The following BEND6 variants were observed in gnomAD, a reference collection of about 807,000 sequenced individuals.
BEND6 encodes BEN domain containing 6.
BEND6 carries 24 observed loss-of-function variants against 31.8 expected under a neutral mutation model. The observed-to-expected ratio is 0.75, with a 90% CI of 0.55 to 1.06. BEND6 has a LOEUF of 1.06. Ranked by LOEUF, BEND6 falls within the 50% of genes least tolerant of loss-of-function variation. The probability of loss-of-function intolerance (pLI) is 0.00; values close to 1 mark genes in which losing one functional copy is unlikely to be tolerated. For synonymous variants in BEND6, 109 were observed against 114.6 expected (o/e 0.95, Z 0.31); for missense variants, 294 against 327.4 (o/e 0.90, Z 0.79).
intron 3 of BEND6, chr6:57,008,531 T>A: frequency 3.2e-6 from 1 of 314,684 alleles, no homozygotes. Flanking sequence ...TGCCACAACT[T>A]CACTGCAGCC....
intron 1 of BEND6, among the ~76,000 whole-genome samples, chr6:56,976,430 C>G (rs1226574088): frequency 2.6e-5 from 4 of 152,116 alleles, no homozygotes; most frequent in Non-Finnish European, 5.9e-5. Flanking sequence ...CTCCTGACCT[C>G]AAGATCTGCC....
At chr6:57,006,878 A>G (rs905520101) in intron 3 of BEND6, among the ~76,000 whole-genome samples, 4 of 152,240 alleles carry the variant, frequency 2.6e-5, no homozygotes, top group African/African-American at 9.6e-5. Context: ...TTAAAAACAG[A>G]CACATTAGAC....
At chr6:57,008,607 T>G (rs1021948479) in intron 3 of BEND6, 1 of 173,666 alleles carries the variant, frequency 5.8e-6, no homozygotes, top group African/African-American at 2.4e-5. Context: ...GCAAATGATC[T>G]GAACAGATAT....
chr6:56,994,185 C>T (rs112541477), intron 3 of BEND6, among the ~76,000 whole-genome samples: 3,404 of 151,814 alleles, frequency 0.022, 118 homozygotes, highest in African/African-American at 0.076. Context: ...CTTGGCCGGG[C>T]GCAGTGGCTC....
intron 1 of BEND6, chr6:56,975,621 C>A: frequency 2.7e-6 from 1 of 369,314 alleles, no homozygotes; most frequent in South Asian, 2.7e-5. Flanking sequence ...ATCAGATAGC[C>A]CAGCAGTTTC....
At chr6:57,005,702 G>A (rs1827134210) in intron 3 of BEND6, among the ~76,000 whole-genome samples, 1 of 150,732 alleles carries the variant, frequency 6.6e-6, no homozygotes, top group Admixed American at 6.6e-5. Flanking sequence ...ACAAAGACTT[G>A]TTACAAATGG....
intron 1 of BEND6, among the ~76,000 whole-genome samples, chr6:56,965,157 T>A (rs1825424177): frequency 6.6e-6 from 1 of 152,212 alleles, no homozygotes; most frequent in South Asian, 2.1e-4. Flanking sequence ...GGAAATAACT[T>A]GATAAAATGT....
chr6:57,005,831 AT>A (rs1241294895), intron 3 of BEND6, among the ~76,000 whole-genome samples: 4 of 152,218 alleles, frequency 2.6e-5, no homozygotes, highest in Non-Finnish European at 2.9e-5. Context: ...ATATTCTAAA[AT>A]TAACCTGAAA....
At chr6:56,977,988 A>G (rs986676862) in intron 1 of BEND6, among the ~76,000 whole-genome samples, 3 of 151,574 alleles carry the variant, frequency 2.0e-5, no homozygotes, top group African/African-American at 7.3e-5. Flanking sequence ...AATTCAACCA[A>G]GTATGGTGGC....
chr6:57,018,873 T>G (rs1827652219), intron 6 of BEND6, among the ~76,000 whole-genome samples: 2 of 152,216 alleles, frequency 1.3e-5, no homozygotes, highest in Admixed American at 6.5e-5. Flanking sequence ...AGGAAATTTT[T>G]TCACAGAATC....
intron 1 of BEND6, among the ~76,000 whole-genome samples, chr6:56,968,312 C>CTTTTTTTTTTTTTTT: frequency 1.5e-5 from 1 of 65,988 alleles, no homozygotes; most frequent in Non-Finnish European, 2.5e-5. Flanking sequence ...TCTTTCTTTT[C>CTTTTTTTTTTTTTTT]TTTTTTTTTT....
chr6:56,973,096 T>C (rs1236771612), intron 1 of BEND6, among the ~76,000 whole-genome samples: 3 of 152,112 alleles, frequency 2.0e-5, no homozygotes, highest in Non-Finnish European at 4.4e-5. Context: ...CATAAAACCA[T>C]AAAGGAGACA....
intron 2 of BEND6, 26 bp from the exon 3 acceptor site, chr6:56,992,352 T>C: frequency 6.4e-7 from 1 of 1,573,000 alleles, no homozygotes; most frequent in Non-Finnish European, 8.6e-7. Flanking sequence ...TGAGGCTTCT[T>C]TTATTGTGCC....
intron 4 of BEND6, among the ~76,000 whole-genome samples, chr6:57,015,772 C>T (rs1827536890): frequency 6.7e-6 from 1 of 149,212 alleles, no homozygotes; most frequent in Non-Finnish European, 1.5e-5. Flanking sequence ...GATAGTGCCA[C>T]TGCACTCCAG....
At chr6:56,967,544 G>T (rs1317888779) in intron 1 of BEND6, among the ~76,000 whole-genome samples, 1 of 152,136 alleles carries the variant, frequency 6.6e-6, no homozygotes, top group African/African-American at 2.4e-5. Flanking sequence ...AGCCCAAACA[G>T]GTCAAACTCC....
intron 1 of BEND6, among the ~76,000 whole-genome samples, chr6:56,968,546 A>AT (rs764928275): frequency 3.3e-5 from 5 of 151,338 alleles, no homozygotes; most frequent in Non-Finnish European, 7.4e-5. Flanking sequence ...CTGGTCTTAA[A>AT]TTCCTGGGCT....
intron 5 of BEND6, among the ~76,000 whole-genome samples, chr6:57,017,863 C>G (rs1827617651): frequency 6.6e-6 from 1 of 152,108 alleles, no homozygotes. Context: ...TTCTCTGAAT[C>G]CTAGCTCTAT....
At chr6:56,976,857 A>G (rs150348853) in intron 1 of BEND6, among the ~76,000 whole-genome samples, 1 of 152,216 alleles carries the variant, frequency 6.6e-6, no homozygotes, top group African/African-American at 2.4e-5. Flanking sequence ...GAGCACTGCA[A>G]CTGGTAGATT....
Position 57,002,225 on chromosome 6 carries a change from G to A in BEND6, c.298+9670G>A, listed in dbSNP as rs550478829. On this transcript the variant is annotated intron_variant, in intron 3 of 6. Transcript: ENST00000370746. Reference sequence around the variant, plus strand: ...CAGATAAATAAAACAAGTACTTCTAGACCTATAAGAAGACTTAGACAGCCA... The same window carrying A: ...CAGATAAATAAAACAAGTACTTCTAAACCTATAAGAAGACTTAGACAGCCA... Among the ~76,000 whole-genome samples the A allele has an allele frequency of 8.9e-4, 136 of 152,276 alleles. 1 individual carries two copies. Among genetic ancestry groups the A allele is most frequent in the African/African-American group, 3.1e-3 (129 of 41,566 alleles).
Sources: allele counts gnomAD v4.1 joint callset (sites outside exome capture counted in the v4.1 genomes callset), GRCh38; gene constraint gnomAD v4.1.1; transcripts MANE v1.5; gene names NCBI Gene and HGNC (gene_info 2026-07-23, HGNC 2026-07-21).